The following SH3GL3 variants were observed in gnomAD, a reference collection of about 807,000 sequenced individuals.
SH3GL3 encodes the protein endophilin-A3.
Under a neutral mutation model 47.7 loss-of-function variants are expected in SH3GL3, and 33 were observed. The ratio of observed to expected loss-of-function variants is 0.69; its 90% confidence interval spans 0.52 to 0.92. SH3GL3 has a LOEUF of 0.92. SH3GL3 is among the 40% of genes least tolerant of loss of function. SH3GL3 has a pLI of 0.00. For synonymous variants in SH3GL3, 155 were observed against 148.8 expected (o/e 1.04, Z -0.30); for missense variants, 363 against 417.8 (o/e 0.87, Z 1.14).
At chr15:83,542,093 C>T (rs1226753915) in intron 1 of SH3GL3, among the ~76,000 whole-genome samples, 1 of 152,104 alleles carries the variant, frequency 6.6e-6, no homozygotes, top group Non-Finnish European at 1.5e-5. Context: ...AGTAGTTTCA[C>T]GGTTTGAGGT....
At chr15:83,494,842 C>A (rs2042018723) in intron 1 of SH3GL3, among the ~76,000 whole-genome samples, 1 of 152,164 alleles carries the variant, frequency 6.6e-6, no homozygotes, top group South Asian at 2.1e-4. Context: ...CCGCACCTGG[C>A]CGCTTTTTGT....
At chr15:83,527,458 A>G (rs1003321772) in intron 1 of SH3GL3, among the ~76,000 whole-genome samples, 8 of 152,132 alleles carry the variant, frequency 5.3e-5, no homozygotes, top group African/African-American at 1.9e-4. Context: ...CCTTATCATT[A>G]TATAATGATG....
At chr15:83,629,029 T>C in the SH3GL3 span, among the ~76,000 whole-genome samples, 1 of 152,156 alleles carries the variant, frequency 6.6e-6, no homozygotes, top group Admixed American at 6.5e-5. Context: ...AAAATACTTA[T>C]AAAGTATTTT....
At chr15:83,586,919 C>A in intron 6 of SH3GL3, 64 bp from the exon 7 acceptor site, 1 of 804,318 alleles carries the variant, frequency 1.2e-6, no homozygotes, top group South Asian at 1.7e-5. Flanking sequence ...CTGCTGGTCT[C>A]CTCTCTCTCT....
chr15:83,607,526 GGT>G (rs1415371737), intron 8 of SH3GL3, among the ~76,000 whole-genome samples: 2 of 152,182 alleles, frequency 1.3e-5, no homozygotes, highest in Non-Finnish European at 2.9e-5. Flanking sequence ...GACAGAGGGA[GGT>G]GTGTCTTCAA....
At chr15:83,605,560 AAGAG>A (rs2060493125) in intron 8 of SH3GL3, among the ~76,000 whole-genome samples, 2 of 142,496 alleles carry the variant, frequency 1.4e-5, no homozygotes, top group Admixed American at 1.3e-4. Flanking sequence ...TAAAGAAAAA[AAGAG>A]AGAGATGAAA....
At chr15:83,623,883 T>A in the SH3GL3 span, among the ~76,000 whole-genome samples, 1 of 152,134 alleles carries the variant, frequency 6.6e-6, no homozygotes, top group Non-Finnish European at 1.5e-5. Context: ...CTTCCTGGGC[T>A]CAAGTGATTC....
chr15:83,530,078 G>A (rs1037330655), intron 1 of SH3GL3, among the ~76,000 whole-genome samples: 3 of 152,128 alleles, frequency 2.0e-5, no homozygotes, highest in African/African-American at 7.2e-5. Context: ...CAGTGTAGGG[G>A]GTTGTTAGTG....
At chr15:83,472,999 C>T (rs577258781) in intron 1 of SH3GL3, among the ~76,000 whole-genome samples, 68 of 152,294 alleles carry the variant, frequency 4.5e-4, no homozygotes, top group African/African-American at 1.6e-3. Flanking sequence ...TAACAAAGCA[C>T]TCCTACCCTT....
At chr15:83,587,536 A>G (rs1418128645) in intron 7 of SH3GL3, among the ~76,000 whole-genome samples, 1 of 151,494 alleles carries the variant, frequency 6.6e-6, no homozygotes, top group Non-Finnish European at 1.5e-5. Context: ...AAAAAAAAAA[A>G]AAAAAAAAAA....
At chr15:83,561,490 T>A (rs1448200449) in intron 2 of SH3GL3, among the ~76,000 whole-genome samples, 3 of 152,130 alleles carry the variant, frequency 2.0e-5, no homozygotes, top group Admixed American at 6.5e-5. Flanking sequence ...AATGAATAAA[T>A]CATGCAATCC....
chr15:83,449,448 T>C (rs533288302), intron 1 of SH3GL3, among the ~76,000 whole-genome samples: 1 of 152,306 alleles, frequency 6.6e-6, no homozygotes, highest in East Asian at 1.9e-4. Flanking sequence ...TCCTTAGCAC[T>C]GGCAGGAAAT....
rs534810440 is a variant in SH3GL3 at position 83,617,330 on chromosome 15, C to T, written c.839-752C>T. Among the ~76,000 whole-genome samples, 40 of 152,300 alleles carry T rather than the reference C, an allele frequency of 2.6e-4. 3 individuals are homozygous for T. In the South Asian group the frequency reaches 7.9e-3, roughly 30 times the overall value. The stretch of plus-strand genomic sequence containing the variant: ...TGACCACCAAGGTCCTCCCTACTAC[C>T]CTCTCCCCAGAGCTCCTGAACCATG... On this transcript the variant is annotated intron_variant, in intron 8 of 8. Coordinates refer to ENST00000427482, the MANE Select transcript of SH3GL3 (RefSeq NM_003027.5).
At chr15:83,493,735 G>A (rs868604889) in intron 1 of SH3GL3, among the ~76,000 whole-genome samples, 3 of 151,866 alleles carry the variant, frequency 2.0e-5, no homozygotes, top group African/African-American at 7.3e-5. Flanking sequence ...CATAACCCAC[G>A]TGGTCTCGAC....
At chr15:83,564,634 C>T (rs1398244761) in intron 2 of SH3GL3, among the ~76,000 whole-genome samples, 1 of 152,140 alleles carries the variant, frequency 6.6e-6, no homozygotes, top group Non-Finnish European at 1.5e-5. Context: ...ATCTTCTGAC[C>T]ATAGCACAAA....
intron 1 of SH3GL3, among the ~76,000 whole-genome samples, chr15:83,556,300 A>T (rs763979815): frequency 1.3e-5 from 2 of 152,242 alleles, no homozygotes; most frequent in Non-Finnish European, 2.9e-5. Context: ...TAAACAGCTA[A>T]TGCTATATGT....
Position 83,469,995 on chromosome 15 carries a change from G to A in SH3GL3, c.45+22417G>A, listed in dbSNP as rs560981642. ...ACATAATTTGCAGCTCTGCTGTTTG[G>A]TGCCTACACATTTAGGATTGCTATG... On this transcript the variant is annotated intron_variant, in intron 1 of 8. Coordinates refer to ENST00000427482, the MANE Select transcript of SH3GL3 (RefSeq NM_003027.5). 7.4e-4 allele frequency among the ~76,000 whole-genome samples: 113 copies of A among 152,098 alleles called. 1 individual carries two copies. The highest frequency in any genetic ancestry group is 2.6e-3 in the African/African-American group (109 of 41,480).
chr15:83,451,581 T>C (rs1324730090), intron 1 of SH3GL3, among the ~76,000 whole-genome samples: 11 of 104,648 alleles, frequency 1.1e-4, no homozygotes, highest in African/African-American at 1.2e-4. Flanking sequence ...TCTTCATGTG[T>C]TTTTTGGCTG....
intron 1 of SH3GL3, among the ~76,000 whole-genome samples, chr15:83,456,660 C>T (rs911668770): frequency 2.1e-5 from 3 of 142,016 alleles, no homozygotes; most frequent in African/African-American, 7.9e-5. Flanking sequence ...CCTCGCCCTG[C>T]TTCGGCTCGC....
Sources: gnomAD v4.1 joint callset for allele counts (sites outside exome capture counted in the v4.1 genomes callset) on GRCh38, gnomAD v4.1.1 for gene constraint, MANE v1.5 for transcripts, NCBI Gene and HGNC (gene_info 2026-07-23, HGNC 2026-07-21) for gene names.